Variants in ORC4 observed in about 807,000 individuals in gnomAD.
The protein encoded by ORC4 is origin recognition complex subunit 4.
A neutral mutation model predicts 63.9 loss-of-function variants in ORC4; 55 were observed. The ratio of observed to expected loss-of-function variants is 0.86; its 90% CI spans 0.69 to 1.08. The LOEUF is 1.08. Ranked by LOEUF, ORC4 falls within the 50% of genes least tolerant of loss-of-function variation. ORC4 has a pLI of 0.00. For missense variants in ORC4, 511 were observed against 504.4 expected (o/e 1.01, Z -0.13); for synonymous variants, 150 against 168.5 (o/e 0.89, Z 0.85).
chr2:147,989,600 G>C (rs1691449827), intron 1 of ORC4, among the ~76,000 whole-genome samples: 1 of 152,000 alleles, frequency 6.6e-6, no homozygotes. Context: ...CAGCTACTCA[G>C]GAGACTTGAG....
At chr2:147,959,891 G>A (rs1689488162) in intron 4 of ORC4, among the ~76,000 whole-genome samples, 1 of 152,134 alleles carries the variant, frequency 6.6e-6, no homozygotes, top group Non-Finnish European at 1.5e-5. Context: ...GGACTGCATA[G>A]AGGTACTTCT....
chr2:147,973,514 A>G lies in ORC4; in HGVS notation c.68T>C (p.Ile23Thr), dbSNP rs1454032349. ...CTGACGACAAAATCTTTCACGTAAAATTCTTTGTACCTGATGAAAATAAAG... is the reference window on the plus strand; with the variant it reads ...CTGACGACAAAATCTTTCACGTAAAGTTCTTTGTACCTGATGAAAATAAAG... ...HTECLSQVQR[I>T]LRERFCRQSP... The change falls in exon 3 of 14, where the codon ATT becomes ACT. Residue 23 changes from isoleucine (I) to threonine (T), a missense_variant. By Grantham distance (89) the Ile-to-Thr change is moderately conservative. Transcript: ENST00000392857. The G allele has an allele frequency of 6.3e-7, 1 of 1,588,142 alleles. No homozygotes were observed. The highest frequency in any genetic ancestry group is 1.7e-5 in the Admixed American group (1 of 59,872).
intron 13 of ORC4, chr2:147,936,406 C>T (rs1053857382): frequency 6.6e-6 from 1 of 151,422 alleles, no homozygotes; most frequent in East Asian, 1.9e-4. Context: ...GTGTTAGGTA[C>T]GTTATTAGGT....
chr2:147,931,347 T>C lies in ORC4; in HGVS notation c.*4163A>G, dbSNP rs1460185971. On this transcript the variant is annotated 3_prime_UTR_variant, in exon 14 of 14. Transcript: ENST00000392857. ...TGCATGTGTCTTTATAGCAGCATGA[T>C]TTATAGTCCTTTGGGTATATACCCA... 1 of 151,938 alleles carries C rather than the reference T, an allele frequency of 6.6e-6. No homozygotes were observed. Among genetic ancestry groups the C allele is most frequent in the African/African-American group, 2.4e-5 (1 of 41,376 alleles). 9.4% of individuals were successfully genotyped at this position (151,938 alleles called of 1,614,324 possible). A position where few individuals can be genotyped will look rare whatever the true frequency, so the allele number is the denominator to read the frequency against.
chr2:147,942,671 C>G (rs1466366323), intron 10 of ORC4, among the ~76,000 whole-genome samples: 1 of 151,934 alleles, frequency 6.6e-6, no homozygotes, highest in African/African-American at 2.4e-5. Flanking sequence ...TCCTTTCTTC[C>G]TAAGACTGGG....
Position 147,955,398 on chromosome 2 carries a change from G to A in ORC4, c.388-3C>T, listed in dbSNP as rs375046956. ...GAAAGGTTTTCAGCAAAGCTTCCCT[G>A]AACAACAAAATGAGATAAAATGATT... On this transcript the variant is annotated splice_polypyrimidine_tract_variant and splice_region_variant and intron_variant, in intron 6 of 13. Transcript: ENST00000392857. 19 of 1,599,268 alleles carry A rather than the reference G, an allele frequency of 1.2e-5. No homozygotes were observed. Among genetic ancestry groups the A allele is most frequent in the Non-Finnish European group, 1.6e-5 (19 of 1,168,200 alleles).
In ORC4 at chr2:147,941,286, G is replaced by T. The variant is rs955524886; in HGVS notation, c.850-2038C>A. Among the ~76,000 whole-genome samples, 31 of 151,206 alleles carry T rather than the reference G, an allele frequency of 2.1e-4. 1 individual carries two copies. In the South Asian group the frequency reaches 4.2e-3, roughly 20 times the overall value. ...CTTTTTTTTTCCCAATTATAAACAAGACTGCAATAAACAACCTTGGACATG... is the reference window on the plus strand; with the variant it reads ...CTTTTTTTTTCCCAATTATAAACAATACTGCAATAAACAACCTTGGACATG... On this transcript the variant is annotated intron_variant, in intron 10 of 13. Coordinates refer to ENST00000392857, the MANE Select transcript of ORC4 (RefSeq NM_181741.4).
intron 1 of ORC4, among the ~76,000 whole-genome samples, chr2:148,001,553 A>C (rs1232426742): frequency 6.6e-6 from 1 of 152,198 alleles, no homozygotes; most frequent in Non-Finnish European, 1.5e-5. Context: ...ATAGACAAGC[A>C]AATGCTGACA....
rs1023377301 is a variant in ORC4 at position 147,944,213 on chromosome 2, A to G, written c.763-691T>C. On this transcript the variant is annotated intron_variant, in intron 9 of 13. Coordinates refer to ENST00000392857, the MANE Select transcript of ORC4 (RefSeq NM_181741.4). ...GAGAAGGAAGGGTTTGAAAGGTAGA[A>G]GATAAAAATCAAACATGATCTATGG... Among the ~76,000 whole-genome samples the G allele has an allele frequency of 2.0e-5, 3 of 152,124 alleles. No homozygotes were observed. The East Asian group carries it at 5.8e-4, about 29-fold the overall frequency.
intron 1 of ORC4, among the ~76,000 whole-genome samples, chr2:147,996,390 G>C (rs184307192): frequency 1.4e-4 from 21 of 152,228 alleles, no homozygotes; most frequent in African/African-American, 5.1e-4. Context: ...TGTGTTTTTA[G>C]ATACAACACC....
intron 1 of ORC4, among the ~76,000 whole-genome samples, chr2:148,007,108 T>C (rs1035080853): frequency 6.6e-6 from 1 of 152,124 alleles, no homozygotes; most frequent in African/African-American, 2.4e-5. Context: ...CAGGCTTAGG[T>C]CACAACACTC....
At chr2:147,969,563 G>A (rs915760061) in intron 4 of ORC4, among the ~76,000 whole-genome samples, 1 of 151,924 alleles carries the variant, frequency 6.6e-6, no homozygotes, top group African/African-American at 2.4e-5. Flanking sequence ...ATTAGAAGAA[G>A]CAAATGACAG....
upstream of ORC4, chr2:148,021,495 GCTA>G (rs889486657): frequency 3.0e-5 from 17 of 576,100 alleles, no homozygotes; most frequent in Admixed American, 3.5e-4. Flanking sequence ...TGCTGCTGCT[GCTA>G]CTGCTGCTGC....
intron 9 of ORC4, among the ~76,000 whole-genome samples, chr2:147,947,434 T>C (rs1688721988): frequency 6.6e-6 from 1 of 152,072 alleles, no homozygotes; most frequent in African/African-American, 2.4e-5. Context: ...GCTAGTGTGT[T>C]GAGAATATTT....
chr2:147,978,134 C>T (rs1461151021), intron 1 of ORC4, among the ~76,000 whole-genome samples: 1 of 152,104 alleles, frequency 6.6e-6, no homozygotes, highest in East Asian at 1.9e-4. Context: ...GGCAGAACTG[C>T]TCTCTGACCA....
At chr2:148,008,660 G>A (rs1043728004) in intron 1 of ORC4, among the ~76,000 whole-genome samples, 2 of 152,006 alleles carry the variant, frequency 1.3e-5, no homozygotes, top group South Asian at 2.1e-4. Flanking sequence ...CCTGACTCCC[G>A]CCAAAGCATT....
At chr2:147,996,233 G>C (rs1691964945) in intron 1 of ORC4, among the ~76,000 whole-genome samples, 1 of 152,172 alleles carries the variant, frequency 6.6e-6, no homozygotes, top group Admixed American at 6.5e-5. Flanking sequence ...GAACCCGGGA[G>C]GTGGAAGTTG....
chr2:147,995,089 G>A (rs986442013), intron 1 of ORC4, among the ~76,000 whole-genome samples: 12 of 150,406 alleles, frequency 8.0e-5, no homozygotes, highest in Admixed American at 4.0e-4. Flanking sequence ...CTATAAAAAC[G>A]CACCAATCAG....
At chr2:147,959,531 T>C (rs1230806960) in intron 4 of ORC4, among the ~76,000 whole-genome samples, 1 of 151,970 alleles carries the variant, frequency 6.6e-6, no homozygotes, top group Non-Finnish European at 1.5e-5. Flanking sequence ...GCATCAAAAC[T>C]TAGGACAAAA....
Sources: gnomAD v4.1 joint callset for allele counts (sites outside exome capture counted in the v4.1 genomes callset) on GRCh38, gnomAD v4.1.1 for gene constraint, MANE v1.5 for transcripts, NCBI Gene and HGNC (gene_info 2026-07-23, HGNC 2026-07-21) for gene names.